Variants in PLXNA4 observed in about 807,000 individuals in gnomAD.
PLXNA4 encodes plexin A4, also known as plexin-A4.
A neutral mutation model predicts 191.8 loss-of-function variants in PLXNA4; 44 were observed. That is an observed-to-expected ratio of 0.23 (90% CI 0.18 to 0.29). The LOEUF (loss-of-function observed/expected upper bound fraction) is 0.29. Ranked by LOEUF, PLXNA4 falls within the 10% of genes least tolerant of loss-of-function variation. The probability of loss-of-function intolerance (pLI) is 1.00; values close to 1 mark genes in which losing one functional copy is unlikely to be tolerated. For missense variants in PLXNA4, 1,800 were observed against 2,488.8 expected, an observed-to-expected ratio of 0.72 and a Z score of 5.89; for synonymous variants, 1,082 against 1,009.5, an observed-to-expected ratio of 1.07 and a Z score of -1.36.
chr7:132,127,153 C>CA lies in PLXNA4; in HGVS notation c.*3325dup, dbSNP rs926666527. The CA allele has an allele frequency of 4.6e-5, 7 of 151,774 alleles. No individual in the cohort carries two copies. Among genetic ancestry groups the CA allele is most frequent in the Non-Finnish European group, 5.9e-5 (4 of 67,948 alleles). The allele number at this position is 151,774 out of a possible 1,614,324, so 9.4% of individuals were successfully genotyped here. A position where few individuals can be genotyped will look rare whatever the true frequency, so the allele number is the denominator to read the frequency against. On this transcript the variant is annotated 3_prime_UTR_variant, in exon 32 of 32. Coordinates refer to ENST00000321063, the MANE Select transcript of PLXNA4 (RefSeq NM_020911.2). ...CTTAAGCCCTTCTCTCTCCAACATG[C>CA]AAAAAAAATTCCCACCTAAACTTTG...
At chr7:132,201,256 C>A (rs1226387932) in intron 12 of PLXNA4, among the ~76,000 whole-genome samples, 1 of 139,028 alleles carries the variant, frequency 7.2e-6, no homozygotes, top group Non-Finnish European at 1.7e-5. Context: ...GACCGTCTAC[C>A]TCCTGAACGG....
intron 2 of PLXNA4, among the ~76,000 whole-genome samples, chr7:132,595,034 CAGACAGACAGAT>C (rs1410755341): frequency 1.7e-3 from 252 of 149,738 alleles, no homozygotes; most frequent in African/African-American, 5.9e-3. Flanking sequence ...GACAGACAGA[CAGACAGACAGAT>C]AGATAGAGAG....
chr7:132,563,126 C>T (rs1209400733), intron 1 of PLXNA4, among the ~76,000 whole-genome samples: 1 of 96,936 alleles, frequency 1.0e-5, no homozygotes, highest in Non-Finnish European at 2.2e-5. Context: ...TCCTCCTTCT[C>T]CTCCTCCTCC....
intron 4 of PLXNA4, among the ~76,000 whole-genome samples, chr7:132,262,944 C>T (rs7776568): frequency 0.41 from 61,720 of 151,964 alleles, 12,935 homozygotes; most frequent in Middle Eastern, 0.48. Context: ...GGGCGGGAAG[C>T]CACAAATAGT....
intron 3 of PLXNA4, among the ~76,000 whole-genome samples, chr7:132,360,810 C>A (rs1410921604): frequency 6.6e-6 from 1 of 152,184 alleles, no homozygotes; most frequent in Non-Finnish European, 1.5e-5. Flanking sequence ...TCCTGCACAG[C>A]ACCCTGGATA....
In PLXNA4 at chr7:132,169,342, C is replaced by T. The variant is rs115880608; in HGVS notation, c.4018-770G>A. Among the ~76,000 whole-genome samples, 874 of 152,312 alleles carry T rather than the reference C, an allele frequency of 5.7e-3. 8 individuals carry two copies. The highest frequency in any genetic ancestry group is 0.02 in the African/African-American group (814 of 41,554). ...GGGTGTACCATTCACTCAGCAAACA[C>T]GAGTCAATGACTCAGGTAGGTGTGG... On this transcript the variant is annotated intron_variant, in intron 21 of 31. Transcript: ENST00000321063.
intron 3 of PLXNA4, chr7:132,384,833 A>G: frequency 8.7e-7 from 1 of 1,153,566 alleles, no homozygotes; most frequent in African/African-American, 1.6e-5. Context: ...GATGAGCATA[A>G]GGTTATCCTA....
At chr7:132,484,658 T>C in intron 3 of PLXNA4, 1 of 1,270,378 alleles carries the variant, frequency 7.9e-7, no homozygotes, top group Non-Finnish European at 1.1e-6. Flanking sequence ...CTGTATCAAA[T>C]ACATATGCCC....
In PLXNA4 at chr7:132,614,313, A is replaced by G. The variant is rs1585406049; in HGVS notation, c.-87+31615T>C. Among the ~76,000 whole-genome samples, 13 of 152,342 alleles carry G rather than the reference A, an allele frequency of 8.5e-5. No homozygotes were observed. In the South Asian group the frequency reaches 2.7e-3, roughly 32 times the overall value. On this transcript the variant is annotated intron_variant, in intron 2 of 4. Coordinates refer to the PLXNA4 transcript ENST00000378539. ...CCAATGTGTGATTGACACACTGCAC[A>G]TCTCAATTCAGACTAGCCACATTTC...
At chr7:132,258,629 C>G (rs1799516358) in intron 4 of PLXNA4, among the ~76,000 whole-genome samples, 1 of 151,920 alleles carries the variant, frequency 6.6e-6, no homozygotes, top group African/African-American at 2.4e-5. Flanking sequence ...GACCCTGTGA[C>G]ACTCATGTGC....
At chr7:132,134,278 A>G (rs1795051424) in intron 30 of PLXNA4, among the ~76,000 whole-genome samples, 1 of 152,156 alleles carries the variant, frequency 6.6e-6, no homozygotes, top group East Asian at 1.9e-4. Context: ...TCCCAGCCCT[A>G]TCCTTCACTT....
chr7:132,299,761 A>T (rs1801236295), intron 3 of PLXNA4, among the ~76,000 whole-genome samples: 1 of 152,194 alleles, frequency 6.6e-6, no homozygotes, highest in Non-Finnish European at 1.5e-5. Context: ...CGTGATGAGC[A>T]TAAACAAACC....
rs1337354184 is a variant in PLXNA4 at position 132,124,387 on chromosome 7, T to A, written c.*6092A>T. The stretch of plus-strand genomic sequence containing the variant: ...CGGCTGACTTCTGTGCACGAAAGTG[T>A]TCCTTAGTCCTGTTTGGTGAAGTGG... On this transcript the variant is annotated 3_prime_UTR_variant, in exon 32 of 32. Transcript: ENST00000321063. 6.6e-6 allele frequency: 1 copy of A among 152,212 alleles called. No individual in the cohort carries two copies. The highest frequency in any genetic ancestry group is 1.5e-5 in the Non-Finnish European group (1 of 68,034). 9.4% of individuals were successfully genotyped at this position (152,212 alleles called of 1,614,324 possible).
At chr7:132,574,213 AG>A (rs1027891042) in intron 1 of PLXNA4, among the ~76,000 whole-genome samples, 1 of 152,222 alleles carries the variant, frequency 6.6e-6, no homozygotes, top group African/African-American at 2.4e-5. Flanking sequence ...GAAAGGAAAG[AG>A]GGTAGGGAGG....
chr7:132,474,094 A>G (rs538453304), intron 3 of PLXNA4, among the ~76,000 whole-genome samples: 25 of 151,894 alleles, frequency 1.6e-4, no homozygotes, highest in Non-Finnish European at 3.1e-4. Flanking sequence ...ATAAACACCT[A>G]GAAGGCGGCA....
intron 3 of PLXNA4, among the ~76,000 whole-genome samples, chr7:132,453,009 G>T (rs140224117): frequency 5.9e-5 from 9 of 152,252 alleles, no homozygotes; most frequent in Middle Eastern, 6.8e-3. Context: ...CCTAATTGGG[G>T]TCACTGCAGG....
At chr7:132,173,389 G>A (rs760032627) in intron 21 of PLXNA4, among the ~76,000 whole-genome samples, 45 of 152,092 alleles carry the variant, frequency 3.0e-4, no homozygotes, top group Non-Finnish European at 4.6e-4. Context: ...ACACATACAC[G>A]CACACAAACA....
chr7:132,599,089 G>A (rs1802769815), intron 2 of PLXNA4, among the ~76,000 whole-genome samples: 1 of 152,124 alleles, frequency 6.6e-6, no homozygotes, highest in African/African-American at 2.4e-5. Flanking sequence ...TACTGACTCT[G>A]TTCCATTGAT....
At chr7:132,248,362 T>A (rs1421608974) in intron 4 of PLXNA4, among the ~76,000 whole-genome samples, 5 of 152,152 alleles carry the variant, frequency 3.3e-5, no homozygotes, top group African/African-American at 1.2e-4. Context: ...GGTGTGAGGA[T>A]TCATGTCTAT....
Sources: allele counts gnomAD v4.1 joint callset (sites outside exome capture counted in the v4.1 genomes callset), GRCh38; gene constraint gnomAD v4.1.1; transcripts MANE v1.5; gene names NCBI Gene and HGNC (gene_info 2026-07-23, HGNC 2026-07-21).